TRIM7: variants seen among roughly 807,000 people sequenced by gnomAD.
The protein encoded by TRIM7 is tripartite motif containing 7.
TRIM7 carries 32 observed loss-of-function variants against 37.9 expected under a neutral mutation model. The observed-to-expected ratio is 0.84, with a 90% CI of 0.64 to 1.13. TRIM7 has a LOEUF of 1.13. Ranked by LOEUF, TRIM7 falls within the 50% of genes most tolerant of loss-of-function variation. The pLI, the probability that TRIM7 is intolerant of heterozygous loss-of-function variation, is 0.00. For missense variants in TRIM7, 732 were observed against 714.0 expected, an observed-to-expected ratio of 1.03 and a Z score of -0.29; for synonymous variants, 351 against 321.3, an observed-to-expected ratio of 1.09 and a Z score of -0.99.
In TRIM7 at chr5:181,199,128, A is replaced by G; in HGVS notation, c.850-11T>C. 1 of 1,614,218 alleles carries G rather than the reference A, an allele frequency of 6.2e-7. No individual in the cohort carries two copies. The highest frequency in any genetic ancestry group is 8.5e-7 in the Non-Finnish European group (1 of 1,180,030). On this transcript the variant is annotated splice_polypyrimidine_tract_variant and intron_variant, in intron 3 of 6. Transcript: ENST00000274773. Reference sequence around the variant, plus strand: ...CGTGCTTTTGAATTCCTGGAAGGAAAGATAGAGGAAACCAAATCAGCATCA... The same window carrying G: ...CGTGCTTTTGAATTCCTGGAAGGAAGGATAGAGGAAACCAAATCAGCATCA...
chr5:181,199,047 A>G, intron 4 of TRIM7, 48 bp downstream of exon 4: 1 of 1,612,258 alleles, frequency 6.2e-7, no homozygotes, highest in Non-Finnish European at 8.5e-7. Flanking sequence ...CTCAGTGAAA[A>G]GGGAAGAAGC....
In TRIM7 at chr5:181,195,505, C is replaced by A. The variant is rs771570796; in HGVS notation, c.1197G>T (p.Trp399Cys). Residue 399 changes from tryptophan to cysteine, a missense_variant, in exon 7 of 7, where the codon TGG becomes TGT. Coordinates refer to ENST00000274773, the MANE Select transcript of TRIM7 (RefSeq NM_203293.3). ...SCGFSSGRHH[W>C]EVEVGSKDGW... ...CGTCCTTAGAGCCCACCTCCACCTC[C>A]CAGTGATGCCGGCCCGAGGAGAAGC... The A allele has an allele frequency of 6.2e-7, 1 of 1,612,638 alleles. No individual in the cohort carries two copies. The highest frequency in any genetic ancestry group is 8.5e-7 in the Non-Finnish European group (1 of 1,179,724).
At chr5:181,202,695 T>G (rs1461788965) in intron 2 of TRIM7, 1 of 151,064 alleles carries the variant, frequency 6.6e-6, no homozygotes, top group East Asian at 1.9e-4. Flanking sequence ...GCCTCCGGAG[T>G]AGCTGGGACT....
intron 2 of TRIM7, chr5:181,203,223 G>C: frequency 9.4e-7 from 1 of 1,064,338 alleles, no homozygotes; most frequent in Admixed American, 4.2e-5. Flanking sequence ...ATAGTAATGT[G>C]TTCCATTACA....
rs1042015631 is a variant in TRIM7, at chr5:181,194,896, T to A, written c.*270A>T. On this transcript the variant is annotated 3_prime_UTR_variant, in exon 7 of 7. Transcript: ENST00000274773. ...GAAGCCCCCTGGAGAGCTGGGCTCC[T>A]GACCTCACCGGCCTCCACCTCCTGA... The A allele has an allele frequency of 2.4e-6, 1 of 418,164 alleles. No individual in the cohort carries two copies. The highest frequency in any genetic ancestry group is 4.2e-5 in the Admixed American group (1 of 23,946). 25.9% of individuals were successfully genotyped at this position (418,164 alleles called of 1,614,324 possible). A position where few individuals can be genotyped will look rare whatever the true frequency, so the allele number is the denominator to read the frequency against.
chr5:181,198,804 A>C lies in TRIM7; in HGVS notation c.874T>G (p.Cys292Gly), dbSNP rs764771332. ...GGCTTGGGGCCAGGCACATTGCTAC[A>C]CCTGCAGGACAAGGGCTCTGAGAAG... The part of the protein sequence containing the change: ...LQEFKSTLSR[C>G]SNVPGPKPTT... The change falls in exon 5 of 7, where the codon TGT (cysteine) becomes GGT (glycine). Residue 292 changes from cysteine to glycine, a missense_variant and splice_region_variant. By Grantham distance (159) the Cys-to-Gly change is radical. Transcript: ENST00000274773. 6.2e-7 allele frequency: 1 copy of C among 1,609,338 alleles called. No individual in the cohort carries two copies. Among genetic ancestry groups the C allele is most frequent in the Admixed American group, 1.7e-5 (1 of 59,532 alleles).
Position 181,198,679 on chromosome 5 carries a change from C to T in TRIM7, c.988+11G>A. 1 of 1,601,298 alleles carries T rather than the reference C, an allele frequency of 6.2e-7. No individual in the cohort carries two copies. The highest frequency in any genetic ancestry group is 8.6e-7 in the Non-Finnish European group (1 of 1,168,530). Reference sequence around the variant, plus strand: ...GCACTATGTGGCCCAGCTTGGCGCCCAGGCCCCTACCTTTGAACTTCTTCA... The same window carrying T: ...GCACTATGTGGCCCAGCTTGGCGCCTAGGCCCCTACCTTTGAACTTCTTCA... On this transcript the variant is annotated intron_variant, in intron 5 of 6. Transcript: ENST00000274773.
In TRIM7 at chr5:181,198,790, A is replaced by G. The variant is rs775352339; in HGVS notation, c.888T>C (p.Pro296=). ...KSTLSRCSNV[P]GPKPTTVSSE... ...AAGAGACTGTGGTTGGCTTGGGGCC[A>G]GGCACATTGCTACACCTGCAGGACA... The change falls in exon 5 of 7, where the codon CCT becomes CCC. Residue 296 remains proline (P), a synonymous_variant. Coordinates refer to ENST00000274773, the MANE Select transcript of TRIM7 (RefSeq NM_203293.3). The G allele has an allele frequency of 1.5e-5, 24 of 1,613,584 alleles. No individual in the cohort carries two copies. The Middle Eastern group carries it at 8.2e-4, about 55-fold the overall frequency.
At chr5:181,199,727 C>G in intron 3 of TRIM7, 124 bp downstream of exon 3, 1 of 1,427,766 alleles carries the variant, frequency 7.0e-7, no homozygotes, top group South Asian at 1.5e-5. Context: ...GCACTTCTCT[C>G]CAGTCCCCTT....
At chr5:181,203,842 G>C (rs1757658040) in intron 1 of TRIM7, 1 of 1,339,514 alleles carries the variant, frequency 7.5e-7, no homozygotes, top group East Asian at 3.0e-5. Context: ...AAAAGCATCT[G>C]CTGGACCAGC....
At chr5:181,195,737 C>A in intron 6 of TRIM7, 60 bp from the exon 7 acceptor site, 1 of 1,499,686 alleles carries the variant, frequency 6.7e-7, no homozygotes, top group South Asian at 1.4e-5. Flanking sequence ...ACAGTCTTTG[C>A]AGGGCCGCGC....
At chr5:181,203,375 T>C (rs1187685580) in intron 2 of TRIM7, 170 bp downstream of exon 2, 1 of 1,449,170 alleles carries the variant, frequency 6.9e-7, no homozygotes, top group African/African-American at 1.4e-5. Flanking sequence ...AAAGCTCTGG[T>C]TTGTACAACA....
Position 181,204,893 on chromosome 5 carries a change from G to A in TRIM7, c.218C>T (p.Pro73Leu), listed in dbSNP as rs772430239. The A allele has an allele frequency of 8.0e-6, 11 of 1,368,994 alleles. No homozygotes were observed. Among genetic ancestry groups the A allele is most frequent in the Middle Eastern group, 2.5e-4 (1 of 3,922 alleles). The allele number at this position is 1,368,994 out of a possible 1,614,324, so 84.8% of individuals were successfully genotyped here. A position where few individuals can be genotyped will look rare whatever the true frequency, so the allele number is the denominator to read the frequency against. Residue 73 changes from proline to leucine, a missense_variant, in exon 1 of 7, where the codon CCC becomes CTC. By Grantham distance (98) the Pro-to-Leu change is moderately conservative (BLOSUM62 -3). Coordinates refer to ENST00000274773, the MANE Select transcript of TRIM7 (RefSeq NM_203293.3). The stretch of plus-strand genomic sequence containing the variant: ...GCACTGCGGACAGGGCAGTGGGAAG[G>A]GGGGCGCGCGGGTGGCGGCCCCAAC... ...GSVGAATRAP[P>L]FPLPCPQCRE... is the part of the protein sequence containing the mutation.
Position 181,195,392 on chromosome 5 carries a change from A to G in TRIM7, c.1310T>C (p.Leu437Pro), listed in dbSNP as rs200165092. ...TPEEGVWALQ[L>P]NGGQYWAVTS... ...CACGGCCCAGTACTGGCCGCCGTTG[A>G]GCTGCAGGGCCCAGACGCCCTCCTC... The change falls in exon 7 of 7, where the codon CTC becomes CCC. Residue 437 changes from leucine (L) to proline (P), a missense_variant. Physicochemically the swap from Leu to Pro is moderately conservative, Grantham distance 98 (BLOSUM62 -3). Transcript: ENST00000274773. 1.2e-4 allele frequency: 187 copies of G among 1,587,390 alleles called. No individual in the cohort carries two copies. Among genetic ancestry groups the G allele is most frequent in the Non-Finnish European group, 1.5e-4 (175 of 1,166,984 alleles).
rs1489282893 is a variant in TRIM7, at chr5:181,198,705, G to A, written c.973C>T (p.Leu325=). ...SLKTFVLKGM[L]KKFKEDLRGE... is the part of the protein sequence containing the mutation. ...AGGCCCCTACCTTTGAACTTCTTCAGCATCCCTTTTAAGACAAAGGTCTTG... is the reference window on the plus strand; with the variant it reads ...AGGCCCCTACCTTTGAACTTCTTCAACATCCCTTTTAAGACAAAGGTCTTG... The change falls in exon 5 of 7, where the codon CTG becomes TTG. Residue 325 remains leucine, a synonymous_variant. Transcript: ENST00000274773. 1.2e-6 allele frequency: 2 copies of A among 1,613,336 alleles called. No homozygotes were observed. Among genetic ancestry groups the A allele is most frequent in the Non-Finnish European group, 1.7e-6 (2 of 1,179,422 alleles).
intron 6 of TRIM7, chr5:181,197,312 A>G (rs1757189949): frequency 6.6e-6 from 1 of 152,472 alleles, no homozygotes; most frequent in Non-Finnish European, 1.5e-5. Flanking sequence ...GAGAGGGACC[A>G]GAAGAGCAGG....
intron 3 of TRIM7, 35 bp downstream of exon 3, chr5:181,199,815 AT>A: frequency 5.7e-6 from 9 of 1,586,358 alleles, no homozygotes; most frequent in Non-Finnish European, 7.7e-6. Flanking sequence ...ATGCCTTAGG[AT>A]AAATGACTCG....
rs751781492 is a variant in TRIM7, at chr5:181,195,467, C to A, written c.1235G>T (p.Gly412Val). ...EVGSKDGWAF[G>V]VARESVRRKG... ...TCGGCGCACGCTCTCGCGGGCCACGCCAAAGGCCCAGCCGTCCTTAGAGCC... is the reference window on the plus strand; with the variant it reads ...TCGGCGCACGCTCTCGCGGGCCACGACAAAGGCCCAGCCGTCCTTAGAGCC... Residue 412 changes from glycine (G) to valine (V), a missense_variant, in exon 7 of 7, where the codon GGC (glycine) becomes GTC (valine). Transcript: ENST00000274773. 1 of 1,611,946 alleles carries A rather than the reference C, an allele frequency of 6.2e-7. No individual in the cohort carries two copies. The highest frequency in any genetic ancestry group is 1.3e-5 in the African/African-American group (1 of 74,912).
In TRIM7 at chr5:181,205,004, A is replaced by T. The variant is rs1346500928; in HGVS notation, c.107T>A (p.Phe36Tyr). The change falls in exon 1 of 7, where the codon TTT (phenylalanine) becomes TAT (tyrosine). Residue 36 changes from phenylalanine (F) to tyrosine (Y), a missense_variant. Physicochemically the swap from Phe to Tyr is conservative, Grantham distance 22. Coordinates refer to ENST00000274773, the MANE Select transcript of TRIM7 (RefSeq NM_203293.3). ...EATCSICLEL[F>Y]REPVSVECGH... ...GCACTCGACGGACACCGGCTCACGA[A>T]AGAGCTCTAGGCAGATGGAGCACGT... The T allele has an allele frequency of 6.7e-7, 1 of 1,487,194 alleles. No individual in the cohort carries two copies. The highest frequency in any genetic ancestry group is 8.9e-7 in the Non-Finnish European group (1 of 1,127,080). The allele number at this position is 1,487,194 out of a possible 1,614,324, so 92.1% of individuals were successfully genotyped here.
Sources: allele counts gnomAD v4.1 joint callset, GRCh38; gene constraint gnomAD v4.1.1; transcripts MANE v1.5; gene names NCBI Gene and HGNC (gene_info 2026-07-23, HGNC 2026-07-21).